Variants in PTPRN2 observed in about 807,000 individuals in gnomAD.
PTPRN2 encodes the protein receptor-type tyrosine-protein phosphatase N2.
A neutral mutation model predicts 118.8 loss-of-function variants in PTPRN2; 74 were observed. The ratio of observed to expected loss-of-function variants is 0.62; its 90% CI spans 0.52 to 0.76. The LOEUF (loss-of-function observed/expected upper bound fraction) is 0.76, where lower values mean the gene tolerates loss of function less well. Among genes scored for constraint, PTPRN2 ranks in the 30% least tolerant of loss-of-function variants. PTPRN2 has a pLI of 0.00. For missense variants in PTPRN2, 1,481 were observed against 1,394.4 expected (o/e 1.06, Z -0.99); for synonymous variants, 641 against 608.0 (o/e 1.05, Z -0.80).
At chr7:157,872,393 CTCCCCCCACACACATACCCAGTGTCT>C (rs1811150767) in intron 12 of PTPRN2, among the ~76,000 whole-genome samples, 1 of 119,820 alleles carries the variant, frequency 8.3e-6, no homozygotes, top group African/African-American at 3.4e-5. Context: ...ACCCAGTGTC[CTCCCCCCACACACATACCCAGTGTCT>C]TTCCCACACA....
chr7:157,696,254 T>C (rs1271214986), intron 12 of PTPRN2, among the ~76,000 whole-genome samples: 10 of 115,398 alleles, frequency 8.7e-5, no homozygotes, highest in South Asian at 6.8e-4. Flanking sequence ...TGGATCTTAG[T>C]AGAGCCCTCA....
At chr7:158,360,066 C>T (rs1426623396) in intron 2 of PTPRN2, among the ~76,000 whole-genome samples, 1 of 140,080 alleles carries the variant, frequency 7.1e-6, no homozygotes, top group Admixed American at 7.0e-5. Context: ...GGACGACGCA[C>T]AGACCCCACA....
At chr7:158,021,863 A>G (rs1241689781) in intron 11 of PTPRN2, among the ~76,000 whole-genome samples, 1 of 152,198 alleles carries the variant, frequency 6.6e-6, no homozygotes, top group East Asian at 1.9e-4. Flanking sequence ...TATTTACTAA[A>G]ACAGGTGGGG....
intron 1 of PTPRN2, among the ~76,000 whole-genome samples, chr7:158,538,552 A>G (rs1563411682): frequency 1.3e-5 from 2 of 152,266 alleles, no homozygotes; most frequent in South Asian, 4.1e-4. Context: ...GCCGTCACAC[A>G]TGGCGTCTCA....
intron 12 of PTPRN2, among the ~76,000 whole-genome samples, chr7:157,886,333 A>C (rs1049094837): frequency 6.6e-6 from 1 of 152,186 alleles, no homozygotes; most frequent in African/African-American, 2.4e-5. Flanking sequence ...TATTTTTATA[A>C]AAATGCAGCT....
At chr7:158,073,121 TCACCTTTGCACTCAGCAC>T (rs1393335187) in intron 11 of PTPRN2, among the ~76,000 whole-genome samples, 33 of 152,252 alleles carry the variant, frequency 2.2e-4, no homozygotes, top group Non-Finnish European at 4.3e-4. Context: ...GCACTCTCCA[TCACCTTTGCACTCAGCAC>T]CACCTTTGCA....
In PTPRN2 at chr7:157,929,106, T is replaced by C. The variant is rs1488483036; in HGVS notation, c.1724-30369A>G. On this transcript the variant is annotated intron_variant, in intron 11 of 22. Transcript: ENST00000389418. The surrounding 1 kb of genome is among the most constrained non-coding windows in gnomAD (Gnocchi z 4.4). ...CTGAAGGTTGTGAAATAAGGATCAG[T>C]GAAACGGTGAGACCATTCCTTCCAC... 6.6e-6 allele frequency among the ~76,000 whole-genome samples: 1 copy of C among 152,136 alleles called. No homozygotes were observed. The highest frequency in any genetic ancestry group is 1.5e-5 in the Non-Finnish European group (1 of 68,020).
chr7:158,292,882 A>G (rs1019232532), intron 3 of PTPRN2, among the ~76,000 whole-genome samples: 1 of 152,116 alleles, frequency 6.6e-6, no homozygotes, highest in Non-Finnish European at 1.5e-5. Context: ...AGCCTGGCCA[A>G]CATGGTGAAA....
intron 17 of PTPRN2, among the ~76,000 whole-genome samples, chr7:157,589,533 C>T (rs1194406799): frequency 6.6e-6 from 1 of 152,190 alleles, no homozygotes; most frequent in Non-Finnish European, 1.5e-5. Context: ...AGACCTGCCT[C>T]CTCCTCTCGT....
At chr7:157,962,988 G>A (rs139809650) in intron 11 of PTPRN2, among the ~76,000 whole-genome samples, 1 of 152,192 alleles carries the variant, frequency 6.6e-6, no homozygotes, top group African/African-American at 2.4e-5. Flanking sequence ...ATCTATGAAC[G>A]GGGTTTTCCT....
At chr7:158,541,488 T>C (rs1165965950) in intron 1 of PTPRN2, 6 of 1,352,034 alleles carry the variant, frequency 4.4e-6, no homozygotes, top group Non-Finnish European at 5.9e-6. Context: ...CTCCCTCGTC[T>C]GTGGACCTGA....
intron 11 of PTPRN2, among the ~76,000 whole-genome samples, chr7:157,940,770 A>ATG: frequency 1.6e-5 from 1 of 64,330 alleles, no homozygotes; most frequent in Non-Finnish European, 2.5e-5. Context: ...CCTCCCCACC[A>ATG]TGACACTGCA....
intron 2 of PTPRN2, among the ~76,000 whole-genome samples, chr7:158,394,731 A>G (rs774403470): frequency 6.6e-6 from 1 of 152,354 alleles, no homozygotes; most frequent in Non-Finnish European, 1.5e-5. Flanking sequence ...GGACGGGGCG[A>G]CAAGGACTGT....
intron 5 of PTPRN2, among the ~76,000 whole-genome samples, chr7:158,186,699 C>T (rs895420413): frequency 2.3e-4 from 35 of 152,294 alleles, no homozygotes; most frequent in Admixed American, 2.2e-3. Context: ...GTCAGAAGCC[C>T]GCCTGGGCCA....
chr7:158,254,958 C>T (rs1270437638), intron 3 of PTPRN2, among the ~76,000 whole-genome samples: 2 of 152,362 alleles, frequency 1.3e-5, no homozygotes, highest in Admixed American at 6.5e-5. Context: ...AGGCATGGCC[C>T]AGGCCCAGGA....
Position 157,869,977 on chromosome 7 carries a change from C to T in PTPRN2, c.1788+28696G>A, listed in dbSNP as rs746085224. On this transcript the variant is annotated intron_variant, in intron 12 of 22. Coordinates refer to ENST00000389418, the MANE Select transcript of PTPRN2 (RefSeq NM_002847.5). This position sits in a 1 kb window ranked among gnomAD's most constrained non-coding sequence, Gnocchi z 4.2. The stretch of plus-strand genomic sequence containing the variant: ...CTTCGATGGGACCCCTTCCGCCTCT[C>T]GGTAGCCACTGCTGTGGTTGTGCTT... Among the ~76,000 whole-genome samples, 25 of 152,300 alleles carry T rather than the reference C, an allele frequency of 1.6e-4. No homozygotes were observed. Among genetic ancestry groups the T allele is most frequent in the South Asian group, 4.1e-4 (2 of 4,820 alleles).
chr7:158,397,789 A>G (rs537584245), intron 2 of PTPRN2, among the ~76,000 whole-genome samples: 3 of 152,330 alleles, frequency 2.0e-5, no homozygotes, highest in East Asian at 1.9e-4. Flanking sequence ...GAATAAAAGT[A>G]TAACAGTGAA....
chr7:157,942,193 A>ATG (rs1554496889), intron 11 of PTPRN2, among the ~76,000 whole-genome samples: 1 of 36,652 alleles, frequency 2.7e-5, no homozygotes, highest in Non-Finnish European at 4.2e-5. Context: ...CACCCTCCAC[A>ATG]CACAGGGGTC....
chr7:158,331,161 A>G (rs1301706275), intron 2 of PTPRN2, among the ~76,000 whole-genome samples: 1 of 142,012 alleles, frequency 7.0e-6, no homozygotes, highest in Non-Finnish European at 1.5e-5. Context: ...ACTCACACCC[A>G]CACTCTCACC....
Sources: allele counts gnomAD v4.1 joint callset (sites outside exome capture counted in the v4.1 genomes callset), GRCh38; gene constraint gnomAD v4.1.1; non-coding constraint Gnocchi (gnomAD v3.1); transcripts MANE v1.5; gene names NCBI Gene and HGNC (gene_info 2026-07-23, HGNC 2026-07-21).